Variants in INSYN1 observed in about 807,000 individuals in gnomAD.
The protein encoded by INSYN1 is UPF0583 protein C15orf59.
A neutral mutation model predicts 17.1 loss-of-function variants in INSYN1; 7 were observed. The observed-to-expected ratio is 0.41, with a 90% CI of 0.23 to 0.77. The LOEUF (loss-of-function observed/expected upper bound fraction) is 0.77. INSYN1 is among the 30% of genes least tolerant of loss of function. The probability of loss-of-function intolerance (pLI) is 0.32; values close to 1 mark genes in which losing one functional copy is unlikely to be tolerated. For missense variants in INSYN1, 339 were observed against 400.6 expected (o/e 0.85, Z 1.31); for synonymous variants, 174 against 166.3 (o/e 1.05, Z -0.36).
chr15:73,748,351 C>T (rs779954926), intron 2 of INSYN1, among the ~76,000 whole-genome samples: 5 of 152,172 alleles, frequency 3.3e-5, no homozygotes, highest in South Asian at 2.1e-4. Flanking sequence ...CCTTCCACTC[C>T]GCTGGCCTTG....
At chr15:73,740,786 C>A (rs1468964640) in intron 2 of INSYN1, 144 bp from the exon 3 acceptor site, 3 of 730,036 alleles carry the variant, frequency 4.1e-6, no homozygotes, top group Non-Finnish European at 7.0e-6. Flanking sequence ...TGGTGACTGG[C>A]CTGGAGGTCA....
intron 2 of INSYN1, among the ~76,000 whole-genome samples, chr15:73,744,740 G>T (rs1261686982): frequency 6.6e-6 from 1 of 152,140 alleles, no homozygotes; most frequent in African/African-American, 2.4e-5. Flanking sequence ...AGGAAAGAGA[G>T]GGGGAGAGAG....
At chr15:73,743,387 G>A (rs1361740930) in intron 2 of INSYN1, among the ~76,000 whole-genome samples, 1 of 152,194 alleles carries the variant, frequency 6.6e-6, no homozygotes, top group East Asian at 1.9e-4. Context: ...GAGAAAGAGG[G>A]AGGCCTGCAT....
At chr15:73,747,063 C>T (rs1901854672) in intron 2 of INSYN1, among the ~76,000 whole-genome samples, 1 of 152,218 alleles carries the variant, frequency 6.6e-6, no homozygotes, top group African/African-American at 2.4e-5. Flanking sequence ...CTTTCCTCTA[C>T]TCTTCTCCTT....
In INSYN1 at chr15:73,740,490, G is replaced by A. The variant is rs146187997; in HGVS notation, c.309C>T (p.Ala103=). ...FDLGHLDFMT[A]DILSDSWEFC... ...ACTCCCAGCTGTCTGAGAGGATATCGGCTGTCATGAAGTCCAGGTGGCCCA... is the reference window on the plus strand; with the variant it reads ...ACTCCCAGCTGTCTGAGAGGATATCAGCTGTCATGAAGTCCAGGTGGCCCA... The change falls in exon 3 of 3, where the codon GCC becomes GCT. Residue 103 remains alanine, a synonymous_variant. Coordinates refer to ENST00000569673, the MANE Select transcript of INSYN1 (RefSeq NM_001039614.3). The A allele has an allele frequency of 2.2e-5, 35 of 1,613,996 alleles. No homozygotes were observed. The highest frequency in any genetic ancestry group is 1.6e-4 in the Middle Eastern group (1 of 6,062).
At position 73,737,963 on chromosome 15, in the gene INSYN1, G is replaced by A. The variant is rs1901575227; in HGVS notation, c.*1954C>T. On this transcript the variant is annotated 3_prime_UTR_variant, in exon 3 of 3. Coordinates refer to ENST00000569673, the MANE Select transcript of INSYN1 (RefSeq NM_001039614.3). Reference sequence around the variant, plus strand: ...CAAGCTGCAGTCAACTTCTGACCTCGAGCTACTGCGAGGGACCAAGCAATG... The same window carrying A: ...CAAGCTGCAGTCAACTTCTGACCTCAAGCTACTGCGAGGGACCAAGCAATG... 6.6e-6 allele frequency: 1 copy of A among 152,232 alleles called. No homozygotes were observed. Among genetic ancestry groups the A allele is most frequent in the Non-Finnish European group, 1.5e-5 (1 of 68,066 alleles). The allele number at this position is 152,232 out of a possible 1,614,324, so 9.4% of individuals were successfully genotyped here.
intron 2 of INSYN1, among the ~76,000 whole-genome samples, chr15:73,741,752 T>A (rs559351459): frequency 6.6e-6 from 1 of 152,292 alleles, no homozygotes; most frequent in South Asian, 2.1e-4. Context: ...CCCCAGCACC[T>A]CTCTGGCGCC....
In INSYN1 at chr15:73,752,689, C is replaced by A. The variant is rs1902022971; in HGVS notation, c.-1147G>T. 1 of 152,040 alleles carries A rather than the reference C, an allele frequency of 6.6e-6. No individual in the cohort carries two copies. The highest frequency in any genetic ancestry group is 6.5e-5 in the Admixed American group (1 of 15,274). The allele number at this position is 152,040 out of a possible 1,614,324, so 9.4% of individuals were successfully genotyped here. On this transcript the variant is annotated 5_prime_UTR_variant, in exon 1 of 3. Transcript: ENST00000569673. The surrounding 1 kb of genome is among the most constrained non-coding windows in gnomAD (Gnocchi z 5.2). The stretch of plus-strand genomic sequence containing the variant: ...GCACCCGCGGCGTCCGGAGCGGCCG[C>A]GAGGGTCTGCTCAGCCCAGCCCCGC...
At chr15:73,749,986 C>G (rs1168601840) in intron 2 of INSYN1, among the ~76,000 whole-genome samples, 7 of 152,212 alleles carry the variant, frequency 4.6e-5, no homozygotes, top group Non-Finnish European at 1.0e-4. Flanking sequence ...GAGCCCCTAT[C>G]CTCCCTGCAC....
In INSYN1 at chr15:73,751,164, C is replaced by T. The variant is rs927756882; in HGVS notation, c.-34G>A. 6.2e-7 allele frequency: 1 copy of T among 1,609,756 alleles called. No individual in the cohort carries two copies. Among genetic ancestry groups the T allele is most frequent in the South Asian group, 1.1e-5 (1 of 90,894 alleles). ...ACGTGGCCGCAGGCCTGCCCATACTCCCCCCAGCTGGGCACACACTGCGTC... is the reference window on the plus strand; with the variant it reads ...ACGTGGCCGCAGGCCTGCCCATACTTCCCCCAGCTGGGCACACACTGCGTC... On this transcript the variant is annotated 5_prime_UTR_variant, in exon 2 of 3. Transcript: ENST00000569673.
In INSYN1 at chr15:73,736,978, A is replaced by G. The variant is rs1901545940; in HGVS notation, c.*2939T>C. ...CTGTCAGGAGGTCCAGACTGGGTGT[A>G]GCAAAATTGTGAAGTCAGCCAAGTA... On this transcript the variant is annotated 3_prime_UTR_variant, in exon 3 of 3. Transcript: ENST00000569673. 6.6e-6 allele frequency: 1 copy of G among 152,358 alleles called. No individual in the cohort carries two copies. The highest frequency in any genetic ancestry group is 1.5e-5 in the Non-Finnish European group (1 of 68,148). 9.4% of individuals were successfully genotyped at this position (152,358 alleles called of 1,614,324 possible).
chr15:73,751,067 G>A lies in INSYN1; in HGVS notation c.64C>T (p.Arg22Trp), dbSNP rs749105865. Residue 22 changes from arginine to tryptophan, a missense_variant, in exon 2 of 3, where the codon CGG (arginine) becomes TGG (tryptophan). Coordinates refer to ENST00000569673, the MANE Select transcript of INSYN1 (RefSeq NM_001039614.3). ...TTCATGCGCTGTCGAATCCGCTCCC[G>A]CTCACCACCACTGCTGGGGTCGTCA... is the stretch of plus-strand genomic sequence containing the variant. ...PSDDPSSGGE[R>W]ERIRQRMKMV... The A allele has an allele frequency of 8.7e-6, 14 of 1,613,956 alleles. No individual in the cohort carries two copies. The highest frequency in any genetic ancestry group is 3.3e-5 in the Admixed American group (2 of 60,026).
At position 73,749,304 on chromosome 15, in the gene INSYN1, G is replaced by A. The variant is rs377204343; in HGVS notation, c.156+1671C>T. Among the ~76,000 whole-genome samples the A allele has an allele frequency of 7.3e-4, 111 of 152,256 alleles. 1 individual carries two copies. The highest frequency in any genetic ancestry group is 2.5e-3 in the African/African-American group (105 of 41,556). ...GTGTAACCTTGGACAAGCCCCTATT[G>A]CTCTCTGGGCCTCAGTTTCTTCAAT... is the stretch of plus-strand genomic sequence containing the variant. On this transcript the variant is annotated intron_variant, in intron 2 of 2. Transcript: ENST00000569673.
intron 2 of INSYN1, among the ~76,000 whole-genome samples, chr15:73,742,890 A>T (rs539415699): frequency 6.6e-6 from 1 of 152,278 alleles, no homozygotes; most frequent in East Asian, 1.9e-4. Flanking sequence ...GTGGTGCTGG[A>T]GAAGGTGCCT....
Position 73,736,821 on chromosome 15 carries a change from G to A in INSYN1, c.*3096C>T, listed in dbSNP as rs1222803378. On this transcript the variant is annotated 3_prime_UTR_variant, in exon 3 of 3. Coordinates refer to ENST00000569673, the MANE Select transcript of INSYN1 (RefSeq NM_001039614.3). ...TGAGACAGGAGAATTGTTTGAACCT[G>A]GGAGGTGGAAGTTGCAGTGAGCTGA... 3 of 151,768 alleles carry A rather than the reference G, an allele frequency of 2.0e-5. No individual in the cohort carries two copies. Among genetic ancestry groups the A allele is most frequent in the African/African-American group, 7.3e-5 (3 of 41,232 alleles). 9.4% of individuals were successfully genotyped at this position (151,768 alleles called of 1,614,324 possible).
rs970023768 is a variant in INSYN1, at chr15:73,751,273, A to G, written c.-143T>C. ...CCACCCTGGCCCTGGGCGGCCCTCA[A>G]CCAGCCCCTGCCCCCTGCCACCCAG... On this transcript the variant is annotated 5_prime_UTR_variant, in exon 2 of 3. Coordinates refer to ENST00000569673, the MANE Select transcript of INSYN1 (RefSeq NM_001039614.3). The G allele has an allele frequency of 5.4e-6, 5 of 934,388 alleles. No homozygotes were observed. Among genetic ancestry groups the G allele is most frequent in the African/African-American group, 3.3e-5 (2 of 61,012 alleles). The allele number at this position is 934,388 out of a possible 1,614,324, so 57.9% of individuals were successfully genotyped here.
rs1901553440 is a variant in INSYN1, at chr15:73,737,281, GCC to G, written c.*2634_*2635del. ...AAACTGTGAGCCTGAAAGTGCTCTT[GCC>G]ATGACAGATGAAATGCAAGCCTCAG... On this transcript the variant is annotated 3_prime_UTR_variant, in exon 3 of 3. Transcript: ENST00000569673. 6.6e-6 allele frequency: 1 copy of G among 152,258 alleles called. No homozygotes were observed. Among genetic ancestry groups the G allele is most frequent in the Non-Finnish European group, 1.5e-5 (1 of 68,060 alleles). 9.4% of individuals were successfully genotyped at this position (152,258 alleles called of 1,614,324 possible). A position where few individuals can be genotyped will look rare whatever the true frequency, so the allele number is the denominator to read the frequency against.
intron 2 of INSYN1, among the ~76,000 whole-genome samples, chr15:73,747,515 A>G (rs1395435796): frequency 1.3e-5 from 2 of 152,238 alleles, no homozygotes; most frequent in Non-Finnish European, 2.9e-5. Context: ...TCATTGTGCT[A>G]AGTGCTTTAT....
intron 2 of INSYN1, among the ~76,000 whole-genome samples, chr15:73,746,059 C>T (rs1041482759): frequency 1.3e-5 from 2 of 151,434 alleles, no homozygotes; most frequent in African/African-American, 4.9e-5. Context: ...CCTGCCCCAC[C>T]TCACCTCCCC....
Sources: allele counts gnomAD v4.1 joint callset (sites outside exome capture counted in the v4.1 genomes callset), GRCh38; gene constraint gnomAD v4.1.1; non-coding constraint Gnocchi (gnomAD v3.1); transcripts MANE v1.5; gene names NCBI Gene and HGNC (gene_info 2026-07-23, HGNC 2026-07-21).